Variants in CFI observed in about 807,000 individuals in gnomAD.
CFI encodes the protein complement factor I, also known as C3B/C4B inactivator.
CFI carries 66 observed loss-of-function variants against 78.8 expected under a neutral mutation model. The ratio of observed to expected loss-of-function variants is 0.84; its 90% CI spans 0.69 to 1.03. The LOEUF (loss-of-function observed/expected upper bound fraction) is 1.03, where lower values mean the gene tolerates loss of function less well. Among genes scored for constraint, CFI ranks in the 50% least tolerant of loss-of-function variants. The probability of loss-of-function intolerance (pLI) is 0.00; values close to 1 mark genes in which losing one functional copy is unlikely to be tolerated. For synonymous variants in CFI, 250 were observed against 232.6 expected (o/e 1.07, Z -0.68); for missense variants, 706 against 704.5 (o/e 1.00, Z -0.02).
intron 7 of CFI, among the ~76,000 whole-genome samples, chr4:109,754,076 C>T (rs1263382104): frequency 6.6e-6 from 1 of 151,468 alleles, no homozygotes; most frequent in African/African-American, 2.4e-5. Flanking sequence ...ATCCGCCTCC[C>T]AGGTTCAAGC....
At chr4:109,778,083 A>C (rs1229071987) in intron 1 of CFI, among the ~76,000 whole-genome samples, 2 of 152,216 alleles carry the variant, frequency 1.3e-5, no homozygotes, top group African/African-American at 4.8e-5. Flanking sequence ...CTAGAGAAGC[A>C]AGAGCAAACA....
At chr4:109,791,654 C>T (rs1281888679) in intron 1 of CFI, among the ~76,000 whole-genome samples, 2 of 152,134 alleles carry the variant, frequency 1.3e-5, no homozygotes, top group Admixed American at 6.6e-5. Flanking sequence ...CAATTTTCTG[C>T]AATTGGCTAG....
rs568468952 is a variant in CFI at position 109,796,373 on chromosome 4, G to A, written c.57+5542C>T. ...ATACATCACCTGCCTTACAAGAAAT[G>A]ATAAAAGGTTTTATTCAAGTTGAAA... On this transcript the variant is annotated intron_variant, in intron 1 of 12. Transcript: ENST00000394634. 7.9e-5 allele frequency among the ~76,000 whole-genome samples: 12 copies of A among 152,240 alleles called. No homozygotes were observed. The South Asian group carries it at 2.1e-3, about 26-fold the overall frequency.
At chr4:109,761,743 T>C (rs1321088847) in intron 3 of CFI, 51 bp from the exon 4 acceptor site, 1 of 1,429,142 alleles carries the variant, frequency 7.0e-7, no homozygotes, top group Admixed American at 1.7e-5. Flanking sequence ...GTACTTTGCA[T>C]TTATAACCCT....
chr4:109,762,908 C>T (rs1481329849), intron 3 of CFI, among the ~76,000 whole-genome samples: 1 of 152,120 alleles, frequency 6.6e-6, no homozygotes, highest in Non-Finnish European at 1.5e-5. Context: ...GAGCAAAATA[C>T]TGAGAAATAA....
chr4:109,796,808 A>G (rs1022601041), intron 1 of CFI, among the ~76,000 whole-genome samples: 1 of 152,220 alleles, frequency 6.6e-6, no homozygotes, highest in African/African-American at 2.4e-5. Context: ...AACAAAACAA[A>G]ACAATCTCAT....
chr4:109,772,036 T>C (rs1048208289), intron 1 of CFI, among the ~76,000 whole-genome samples: 18 of 152,224 alleles, frequency 1.2e-4, no homozygotes, highest in Non-Finnish European at 2.5e-4. Context: ...TTTCCTATTG[T>C]AAATTGGAAG....
In CFI at chr4:109,746,420, A is replaced by G. The variant is rs772688857; in HGVS notation, c.1231T>C (p.Tyr411His). 2 of 1,613,948 alleles carry G rather than the reference A, an allele frequency of 1.2e-6. No homozygotes were observed. The highest frequency in any genetic ancestry group is 1.7e-6 in the Non-Finnish European group (2 of 1,179,910). ...TCATGGAAAATAATTCTATCCACGT[A>G]TTCAATTACTATACGTTTAAGGTCG... Reference protein sequence around the residue: ...HPDLKRIVIEYVDRIIFHENY... With the variant: ...HPDLKRIVIEHVDRIIFHENY... Residue 411 changes from tyrosine to histidine, a missense_variant, in exon 11 of 13, where the codon TAC becomes CAC. Coordinates refer to ENST00000394634, the MANE Select transcript of CFI (RefSeq NM_000204.5).
chr4:109,799,858 C>T (rs1292967512), intron 1 of CFI, among the ~76,000 whole-genome samples: 2 of 152,092 alleles, frequency 1.3e-5, no homozygotes, highest in African/African-American at 4.8e-5. Context: ...AAGACCACTG[C>T]CAAATTAGGG....
rs909628628 is a variant in CFI, at chr4:109,778,743, G to T, written c.58-11919C>A. Among the ~76,000 whole-genome samples, 55 of 152,174 alleles carry T rather than the reference G, an allele frequency of 3.6e-4. 1 individual carries two copies. Among genetic ancestry groups the T allele is most frequent in the Non-Finnish European group, 2.9e-5 (2 of 68,032 alleles). The stretch of plus-strand genomic sequence containing the variant: ...TGCAAAAATCCTCAATAAAATACTG[G>T]CAAACCGAATCCAGCAGCACATCAA... On this transcript the variant is annotated intron_variant, in intron 1 of 12. Transcript: ENST00000394634.
At position 109,746,507 on chromosome 4, in the gene CFI, A is replaced by G. The variant is rs759190946; in HGVS notation, c.1149-5T>C. 7.6e-6 allele frequency: 12 copies of G among 1,589,024 alleles called. No homozygotes were observed. Among genetic ancestry groups the G allele is most frequent in the African/African-American group, 5.4e-5 (4 of 73,492 alleles). ...TAACGATGAGTTTTACTGGCTCTAT[A>G]ACAGAAAAAAAAAGGAAATAAAATA... On this transcript the variant is annotated splice_polypyrimidine_tract_variant and splice_region_variant and intron_variant, in intron 10 of 12. Coordinates refer to ENST00000394634, the MANE Select transcript of CFI (RefSeq NM_000204.5).
intron 1 of CFI, among the ~76,000 whole-genome samples, chr4:109,776,938 C>T (rs1729328509): frequency 3.3e-5 from 5 of 152,170 alleles, no homozygotes; most frequent in African/African-American, 7.2e-5. Flanking sequence ...ATTTTGTCAC[C>T]ATCAGGCCTG....
intron 1 of CFI, among the ~76,000 whole-genome samples, chr4:109,788,470 A>G (rs1197940617): frequency 6.6e-6 from 1 of 152,056 alleles, no homozygotes; most frequent in African/African-American, 2.4e-5. Context: ...AAATTTTAAG[A>G]GAGATTTTTA....
intron 1 of CFI, among the ~76,000 whole-genome samples, chr4:109,777,762 C>T (rs1347579655): frequency 6.6e-5 from 10 of 152,090 alleles, no homozygotes; most frequent in Non-Finnish European, 1.5e-4. Context: ...TGTAAAAGAA[C>T]AGAAATTATA....
At chr4:109,774,344 G>A (rs987622174) in intron 1 of CFI, among the ~76,000 whole-genome samples, 6 of 152,280 alleles carry the variant, frequency 3.9e-5, no homozygotes, top group South Asian at 4.1e-4. Flanking sequence ...TGTTTTTATA[G>A]GGTTGTCAGA....
At chr4:109,733,622 G>A in the CFI span, among the ~76,000 whole-genome samples, 5 of 152,042 alleles carry the variant, frequency 3.3e-5, no homozygotes, top group Non-Finnish European at 7.4e-5. Context: ...AGAGCAGAAG[G>A]GATTTGCTGA....
At chr4:109,799,169 C>T (rs1407003778) in intron 1 of CFI, among the ~76,000 whole-genome samples, 2 of 152,116 alleles carry the variant, frequency 1.3e-5, no homozygotes, top group East Asian at 3.9e-4. Context: ...CCCTAATTTT[C>T]CATAGGATCT....
chr4:109,768,473 C>T (rs1728103731), intron 1 of CFI, among the ~76,000 whole-genome samples: 2 of 151,928 alleles, frequency 1.3e-5, no homozygotes, highest in African/African-American at 4.8e-5. Context: ...GAGATAATAT[C>T]TCCTATTTTG....
chr4:109,800,126 G>A (rs543486822), intron 1 of CFI, among the ~76,000 whole-genome samples: 1 of 151,994 alleles, frequency 6.6e-6, no homozygotes, highest in African/African-American at 2.4e-5. Flanking sequence ...ACCCTCCTGT[G>A]TGCCACCCTT....
Sources: gnomAD v4.1 joint callset for allele counts (sites outside exome capture counted in the v4.1 genomes callset) on GRCh38, gnomAD v4.1.1 for gene constraint, MANE v1.5 for transcripts, NCBI Gene and HGNC (gene_info 2026-07-23, HGNC 2026-07-21) for gene names.